The following LMNTD1 variants were observed in gnomAD, a reference collection of about 807,000 sequenced individuals.
The protein encoded by LMNTD1 is lamin tail domain containing 1, also known as lamin tail domain-containing protein 1.
Under a neutral mutation model 50.9 loss-of-function variants are expected in LMNTD1, and 35 were observed. The observed-to-expected ratio is 0.69, with a 90% CI of 0.53 to 0.91. The LOEUF (loss-of-function observed/expected upper bound fraction) is 0.91, where lower values mean the gene tolerates loss of function less well. Among genes scored for constraint, LMNTD1 ranks in the 40% least tolerant of loss-of-function variants. The pLI is 0.00. For missense variants in LMNTD1, 470 were observed against 475.5 expected (o/e 0.99, Z 0.11); for synonymous variants, 153 against 161.9 (o/e 0.94, Z 0.42).
chr12:25,610,388 T>C (rs950927859), intron 1 of LMNTD1, among the ~76,000 whole-genome samples: 1 of 152,102 alleles, frequency 6.6e-6, no homozygotes, highest in East Asian at 1.9e-4. Flanking sequence ...GGTACCTCAG[T>C]TGGAAATGGA....
intron 8 of LMNTD1, among the ~76,000 whole-genome samples, chr12:25,506,001 T>C (rs1939743940): frequency 6.6e-6 from 1 of 152,154 alleles, no homozygotes; most frequent in African/African-American, 2.4e-5. Context: ...ATCTGAGGAA[T>C]ATATAAGGAA....
intron 1 of LMNTD1, among the ~76,000 whole-genome samples, chr12:25,593,780 A>G (rs994791372): frequency 2.2e-4 from 34 of 151,654 alleles, no homozygotes; most frequent in African/African-American, 7.8e-4. Flanking sequence ...AGAGAAAGTC[A>G]AAGCCCAATC....
intron 1 of LMNTD1, among the ~76,000 whole-genome samples, chr12:25,631,596 G>A (rs1159097500): frequency 6.6e-6 from 1 of 152,116 alleles, no homozygotes; most frequent in East Asian, 1.9e-4. Flanking sequence ...ATAAGAACAG[G>A]GGAAGAGTAC....
rs148438541 is a variant in LMNTD1 at position 25,587,426 on chromosome 12, G to A, written c.59-40872C>T. On this transcript the variant is annotated intron_variant, in intron 1 of 7. Transcript: ENST00000445693. The stretch of plus-strand genomic sequence containing the variant: ...GCTCACAGCAGAAAGGGAAGCAGGA[G>A]CAGGCACGTCATATGGCGAGAGCAG... 2.0e-5 allele frequency among the ~76,000 whole-genome samples: 3 copies of A among 152,370 alleles called. No homozygotes were observed. The East Asian group carries it at 5.8e-4, about 29-fold the overall frequency.
intron 1 of LMNTD1, among the ~76,000 whole-genome samples, chr12:25,619,967 C>A (rs1012473156): frequency 1.3e-5 from 2 of 152,168 alleles, no homozygotes; most frequent in African/African-American, 4.8e-5. Flanking sequence ...TCAAGGGAAT[C>A]CTTTGAACTT....
chr12:25,542,436 T>C (rs1943148339), intron 4 of LMNTD1, among the ~76,000 whole-genome samples: 1 of 150,308 alleles, frequency 6.7e-6, no homozygotes, highest in Admixed American at 6.7e-5. Flanking sequence ...ATGGATGAAA[T>C]TGGAAATCAT....
chr12:25,520,342 T>C (rs1479348482), intron 6 of LMNTD1, among the ~76,000 whole-genome samples: 1 of 151,940 alleles, frequency 6.6e-6, no homozygotes, highest in Non-Finnish European at 1.5e-5. Context: ...ATCCTACAAA[T>C]CTCTGCTACT....
intron 1 of LMNTD1, among the ~76,000 whole-genome samples, chr12:25,594,618 C>T (rs1416015247): frequency 9.5e-6 from 1 of 104,744 alleles, no homozygotes. Context: ...ATCTTTAAAG[C>T]ATAAATCTCA....
rs1164418998 is a variant in LMNTD1, at chr12:25,518,674, A to G, written c.1189+121T>C. On this transcript the variant is annotated intron_variant, in intron 8 of 9. Coordinates refer to ENST00000458174, the MANE Select transcript of LMNTD1 (RefSeq NM_001145728.2). ...ACAATACTTCCTTTAAGAGCCATCT[A>G]TTCTTGAGAATATGAATCATCTTTA... 12 of 846,838 alleles carry G rather than the reference A, an allele frequency of 1.4e-5. No homozygotes were observed. The African/African-American group carries it at 1.8e-4, about 13-fold the overall frequency. The allele number at this position is 846,838 out of a possible 1,614,324, so 52.5% of individuals were successfully genotyped here. A position where few individuals can be genotyped will look rare whatever the true frequency, so the allele number is the denominator to read the frequency against.
chr12:25,493,415 G>A (rs1043981436), intron 9 of LMNTD1, among the ~76,000 whole-genome samples: 12 of 152,172 alleles, frequency 7.9e-5, no homozygotes, highest in Admixed American at 5.9e-4. Context: ...AAGGTGGTGC[G>A]AGGAATTAAG....
intron 4 of LMNTD1, among the ~76,000 whole-genome samples, chr12:25,543,457 A>G (rs538695037): frequency 6.6e-6 from 1 of 152,106 alleles, no homozygotes; most frequent in East Asian, 1.9e-4. Context: ...GGGATGTTTA[A>G]CATTAAAAAA....
At chr12:25,646,402 T>C (rs548782068) in intron 1 of LMNTD1, among the ~76,000 whole-genome samples, 2 of 152,316 alleles carry the variant, frequency 1.3e-5, no homozygotes, top group South Asian at 4.1e-4. Context: ...CTCAGATTCA[T>C]CTTGGTTTCC....
At chr12:25,509,625 C>G (rs571657252) in intron 8 of LMNTD1, among the ~76,000 whole-genome samples, 1 of 152,120 alleles carries the variant, frequency 6.6e-6, no homozygotes, top group Non-Finnish European at 1.5e-5. Flanking sequence ...ACCCTTGGAA[C>G]GTGCGAACAT....
At chr12:25,538,500 A>G (rs996946091) in intron 4 of LMNTD1, among the ~76,000 whole-genome samples, 12 of 142,350 alleles carry the variant, frequency 8.4e-5, no homozygotes, top group African/African-American at 2.6e-4. Flanking sequence ...GAGAAATAAA[A>G]TACTTTATAG....
intron 1 of LMNTD1, among the ~76,000 whole-genome samples, chr12:25,602,902 T>C (rs1946011003): frequency 6.6e-6 from 1 of 152,068 alleles, no homozygotes; most frequent in Non-Finnish European, 1.5e-5. Flanking sequence ...AGTCCTTCCT[T>C]TGAATTTTGT....
chr12:25,560,110 C>T (rs976735987), intron 1 of LMNTD1, among the ~76,000 whole-genome samples: 1 of 152,164 alleles, frequency 6.6e-6, no homozygotes, highest in Non-Finnish European at 1.5e-5. Context: ...GACATGAAGT[C>T]CTTGCCGATG....
At chr12:25,603,636 C>T (rs1011111502) in intron 1 of LMNTD1, among the ~76,000 whole-genome samples, 1 of 151,908 alleles carries the variant, frequency 6.6e-6, no homozygotes, top group Non-Finnish European at 1.5e-5. Flanking sequence ...TATACTAGGT[C>T]TTATAGGGGA....
chr12:25,573,525 T>C (rs1467204872), intron 1 of LMNTD1, among the ~76,000 whole-genome samples: 2 of 152,108 alleles, frequency 1.3e-5, no homozygotes, highest in African/African-American at 4.8e-5. Flanking sequence ...TGGCCACATA[T>C]GGTCACAACA....
rs148841676 is a variant in LMNTD1 at position 25,575,960 on chromosome 12, G to A, written c.59-29406C>T. ...GGGGTGTTTGGTTTTCTGTCCTTGCGATACTTTGCTCAGAATGATGGTTTC... is the reference window on the plus strand; with the variant it reads ...GGGGTGTTTGGTTTTCTGTCCTTGCAATACTTTGCTCAGAATGATGGTTTC... On this transcript the variant is annotated intron_variant, in intron 1 of 7. Coordinates refer to the LMNTD1 transcript ENST00000445693. 3.6e-3 allele frequency among the ~76,000 whole-genome samples: 545 copies of A among 152,180 alleles called. 5 individuals carry two copies. Among genetic ancestry groups the A allele is most frequent in the African/African-American group, 0.012 (515 of 41,520 alleles).
Sources: gnomAD v4.1 joint callset for allele counts (sites outside exome capture counted in the v4.1 genomes callset) on GRCh38, gnomAD v4.1.1 for gene constraint, MANE v1.5 for transcripts, NCBI Gene and HGNC (gene_info 2026-07-23, HGNC 2026-07-21) for gene names.